PTPRD: variants seen among roughly 807,000 people sequenced by gnomAD.
PTPRD encodes protein tyrosine phosphatase receptor type D.
A neutral mutation model predicts 214.5 loss-of-function variants in PTPRD; 34 were observed. That is an observed-to-expected ratio of 0.16 (90% CI 0.12 to 0.21). The LOEUF is 0.21. Among genes scored for constraint, PTPRD ranks in the 10% least tolerant of loss-of-function variants. The pLI is 1.00. For missense variants in PTPRD, 2,545 were observed against 2,398.7 expected, an observed-to-expected ratio of 1.06 and a Z score of -1.27; for synonymous variants, 1,128 against 845.7, an observed-to-expected ratio of 1.33 and a Z score of -5.79.
intron 7 of PTPRD, among the ~76,000 whole-genome samples, chr9:9,623,349 A>G (rs1468393015): frequency 6.6e-6 from 1 of 152,154 alleles, no homozygotes; most frequent in Non-Finnish European, 1.5e-5. Flanking sequence ...CTTTACTAAC[A>G]TCTACATATT....
intron 5 of PTPRD, among the ~76,000 whole-genome samples, chr9:9,901,782 C>T (rs1011079202): frequency 6.6e-6 from 1 of 152,024 alleles, no homozygotes; most frequent in Non-Finnish European, 1.5e-5. Flanking sequence ...GGGGAGGCCC[C>T]AGGAAACTTA....
chr9:9,325,902 A>AG (rs546617510), intron 9 of PTPRD, among the ~76,000 whole-genome samples: 3 of 152,172 alleles, frequency 2.0e-5, no homozygotes, highest in Non-Finnish European at 2.9e-5. Context: ...TTTAGCATGA[A>AG]GGGCTGTTGA....
intron 8 of PTPRD, among the ~76,000 whole-genome samples, chr9:9,477,025 A>G (rs979789071): frequency 2.6e-5 from 4 of 152,110 alleles, no homozygotes; most frequent in African/African-American, 7.2e-5. Context: ...GTGAGCCACC[A>G]CACCTGGCCC....
intron 2 of PTPRD, among the ~76,000 whole-genome samples, chr9:10,431,750 C>A (rs1423118198): frequency 3.9e-5 from 6 of 152,042 alleles, no homozygotes; most frequent in Non-Finnish European, 8.8e-5. Flanking sequence ...CATCTCACAC[C>A]AGTTAGAATG....
chr9:8,854,058 T>A (rs1313634840), intron 11 of PTPRD, among the ~76,000 whole-genome samples: 1 of 152,154 alleles, frequency 6.6e-6, no homozygotes, highest in African/African-American at 2.4e-5. Flanking sequence ...ACTTCATATA[T>A]CTGGGCATGT....
intron 8 of PTPRD, among the ~76,000 whole-genome samples, chr9:9,446,633 C>T (rs77912985): frequency 0.012 from 1,829 of 152,128 alleles, 24 homozygotes; most frequent in African/African-American, 0.042. Flanking sequence ...CAGAAGGGAA[C>T]ACAATAGATT....
rs574552435 is a variant in PTPRD at position 10,239,732 on chromosome 9, T to G, written c.-545+101231A>C. Among the ~76,000 whole-genome samples the G allele has an allele frequency of 2.1e-4, 32 of 151,910 alleles. No homozygotes were observed. In the Middle Eastern group the frequency reaches 0.014, roughly 65 times the overall value. ...AAAAATGACAATAATGATAATGTTA[T>G]GAATATGTGGAGTCTCACAAAATGA... is the stretch of plus-strand genomic sequence containing the variant. On this transcript the variant is annotated intron_variant, in intron 3 of 45. Transcript: ENST00000381196.
chr9:9,921,253 T>G (rs1379879901), intron 5 of PTPRD, among the ~76,000 whole-genome samples: 1 of 152,062 alleles, frequency 6.6e-6, no homozygotes, highest in Non-Finnish European at 1.5e-5. Flanking sequence ...ATTTAAATAA[T>G]TGTGAATTTC....
intron 2 of PTPRD, among the ~76,000 whole-genome samples, chr9:10,515,915 T>A (rs887128735): frequency 6.6e-5 from 10 of 151,930 alleles, no homozygotes; most frequent in Non-Finnish European, 8.8e-5. Flanking sequence ...CAGAATTTTC[T>A]TTTTTATGGC....
intron 4 of PTPRD, among the ~76,000 whole-genome samples, chr9:9,947,483 TA>T (rs2092840755): frequency 3.0e-4 from 8 of 26,394 alleles, no homozygotes; most frequent in African/African-American, 1.6e-3. Context: ...ATATATATTT[TA>T]TATATATTAT....
chr9:9,599,967 T>C (rs190362370), intron 7 of PTPRD, among the ~76,000 whole-genome samples: 14 of 152,180 alleles, frequency 9.2e-5, no homozygotes, highest in Admixed American at 7.9e-4. Context: ...ACCATCTCAA[T>C]TGTCCCCAGA....
chr9:9,087,878 CTTTTTTTTTTTT>C (rs59824704), intron 10 of PTPRD, among the ~76,000 whole-genome samples: 1 of 68,642 alleles, frequency 1.5e-5, no homozygotes, highest in Non-Finnish European at 2.6e-5. Context: ...GCCCTAAACT[CTTTTTTTTTTTT>C]TTTTTTTTTT....
chr9:9,340,772 G>A lies in PTPRD; in HGVS notation c.-203+56677C>T, dbSNP rs192212746. The stretch of plus-strand genomic sequence containing the variant: ...AAACACAAGTCAATGGTAGCTATGC[G>A]AAGTAACAAGAAAGGATTCACTTAA... On this transcript the variant is annotated intron_variant, in intron 9 of 45. Transcript: ENST00000381196. Among the ~76,000 whole-genome samples, 1,289 of 152,276 alleles carry A rather than the reference G, an allele frequency of 8.5e-3. 12 individuals carry two copies. Among genetic ancestry groups the A allele is most frequent in the Middle Eastern group, 0.017 (5 of 294 alleles).
chr9:10,517,129 T>C (rs184436962), intron 2 of PTPRD, among the ~76,000 whole-genome samples: 2 of 152,166 alleles, frequency 1.3e-5, no homozygotes, highest in Admixed American at 6.5e-5. Context: ...TTGACAGATA[T>C]TGCACTGAAT....
intron 5 of PTPRD, among the ~76,000 whole-genome samples, chr9:9,790,448 C>G: frequency 6.6e-6 from 1 of 152,124 alleles, no homozygotes; most frequent in East Asian, 1.9e-4. Flanking sequence ...GCTTTGCTGC[C>G]CACTGCAGGT....
rs562342006 is a variant in PTPRD at position 9,385,113 on chromosome 9, G to C, written c.-203+12336C>G. Reference sequence around the variant, plus strand: ...AGGTCTTCCAACATAATGCCAGGATGTAGACATAATATCAACAGAAAAAAA... The same window carrying C: ...AGGTCTTCCAACATAATGCCAGGATCTAGACATAATATCAACAGAAAAAAA... On this transcript the variant is annotated intron_variant, in intron 9 of 45. Transcript: ENST00000381196. 3.3e-5 allele frequency among the ~76,000 whole-genome samples: 5 copies of C among 152,176 alleles called. No homozygotes were observed. The South Asian group carries it at 6.2e-4, about 19-fold the overall frequency.
At chr9:9,508,029 TTTAA>T (rs2096610484) in intron 8 of PTPRD, among the ~76,000 whole-genome samples, 1 of 151,566 alleles carries the variant, frequency 6.6e-6, no homozygotes, top group African/African-American at 2.4e-5. Flanking sequence ...ATTCTCAATA[TTTAA>T]TTGATTACAC....
chr9:8,885,938 T>G (rs1003944761), intron 11 of PTPRD, among the ~76,000 whole-genome samples: 4 of 152,232 alleles, frequency 2.6e-5, no homozygotes, highest in Admixed American at 6.5e-5. Context: ...GCCACATTCT[T>G]AACAACTTGC....
intron 39 of PTPRD, among the ~76,000 whole-genome samples, chr9:8,375,659 A>G (rs2083023449): frequency 6.6e-6 from 1 of 152,094 alleles, no homozygotes; most frequent in Admixed American, 6.6e-5. Context: ...TTACATATTT[A>G]TAGCCATGTG....
Sources: gnomAD v4.1 joint callset for allele counts (sites outside exome capture counted in the v4.1 genomes callset) on GRCh38, gnomAD v4.1.1 for gene constraint, MANE v1.5 for transcripts, NCBI Gene and HGNC (gene_info 2026-07-23, HGNC 2026-07-21) for gene names.